The following DENND6A variants were observed in gnomAD, a reference collection of about 807,000 sequenced individuals.
DENND6A encodes the protein DENN domain containing 6A.
DENND6A carries 43 observed loss-of-function variants against 95.5 expected under a neutral mutation model. The ratio of observed to expected loss-of-function variants is 0.45; its 90% CI spans 0.35 to 0.58. The LOEUF is 0.58. DENND6A is among the 20% of genes least tolerant of loss of function. The probability of loss-of-function intolerance (pLI) is 0.00; values close to 1 mark genes in which losing one functional copy is unlikely to be tolerated. For missense variants in DENND6A, 574 were observed against 736.0 expected (o/e 0.78, Z 2.55); for synonymous variants, 257 against 260.4 (o/e 0.99, Z 0.13).
chr3:57,678,810 T>C (rs1351471344), intron 1 of DENND6A, among the ~76,000 whole-genome samples: 1 of 152,252 alleles, frequency 6.6e-6, no homozygotes, highest in East Asian at 1.9e-4. Flanking sequence ...TAGATTTCTG[T>C]TATTTAAGAC....
At chr3:57,638,800 C>CA (rs1377406251) in intron 12 of DENND6A, among the ~76,000 whole-genome samples, 34 of 151,176 alleles carry the variant, frequency 2.2e-4, no homozygotes, top group South Asian at 4.2e-4. Flanking sequence ...TGGTTACTAT[C>CA]AAAAAAAATG....
chr3:57,643,374 C>A (rs147759420), intron 11 of DENND6A, among the ~76,000 whole-genome samples: 1 of 152,246 alleles, frequency 6.6e-6, no homozygotes, highest in East Asian at 1.9e-4. Context: ...ATTAAGACTT[C>A]TATCTTCTAT....
intron 1 of DENND6A, among the ~76,000 whole-genome samples, chr3:57,692,494 T>A (rs79955382): frequency 0.013 from 2,014 of 152,282 alleles, 50 homozygotes; most frequent in African/African-American, 0.045. Flanking sequence ...ACCCTTTTAG[T>A]TAATTCTGTG....
intron 9 of DENND6A, chr3:57,654,533 T>C (rs1196468709): frequency 6.9e-6 from 5 of 725,524 alleles, no homozygotes; most frequent in East Asian, 1.3e-4. Context: ...ATAACTGATG[T>C]GTCTCTCATT....
At chr3:57,641,872 C>A (rs560327582) in intron 11 of DENND6A, 125 bp from the exon 12 acceptor site, 6 of 646,228 alleles carry the variant, frequency 9.3e-6, no homozygotes, top group Non-Finnish European at 1.5e-5. Flanking sequence ...TTATTCAACA[C>A]ATTACATATC....
chr3:57,657,079 T>C (rs991471397), intron 9 of DENND6A, among the ~76,000 whole-genome samples: 7 of 152,238 alleles, frequency 4.6e-5, no homozygotes, highest in Non-Finnish European at 1.0e-4. Context: ...ACATCAGAAC[T>C]ACCTGGGGAA....
rs1001685331 is a variant in DENND6A at position 57,655,610 on chromosome 3, C to A, written c.818+2070G>T. Reference sequence around the variant, plus strand: ...TGCAATCAAAATTTAGTTGCATGCACAAAATCATTAAAAATATTTTTTTAA... The same window carrying A: ...TGCAATCAAAATTTAGTTGCATGCAAAAAATCATTAAAAATATTTTTTTAA... On this transcript the variant is annotated intron_variant, in intron 9 of 19. Transcript: ENST00000311128. Among the ~76,000 whole-genome samples, 25 of 152,114 alleles carry A rather than the reference C, an allele frequency of 1.6e-4. 1 individual carries two copies. The highest frequency in any genetic ancestry group is 1.6e-3 in the Admixed American group (25 of 15,262).
At chr3:57,637,765 TCA>T (rs2070827749) in intron 12 of DENND6A, among the ~76,000 whole-genome samples, 1 of 77,994 alleles carries the variant, frequency 1.3e-5, no homozygotes, top group African/African-American at 5.2e-5. Flanking sequence ...AAATAAGACT[TCA>T]AAAAAAAAAA....
chr3:57,666,908 C>T (rs1164255281), intron 3 of DENND6A, among the ~76,000 whole-genome samples: 1 of 152,142 alleles, frequency 6.6e-6, no homozygotes, highest in Non-Finnish European at 1.5e-5. Flanking sequence ...TCTACAAGAT[C>T]CAAAAAGATA....
intron 1 of DENND6A, among the ~76,000 whole-genome samples, chr3:57,677,030 G>A (rs2071721759): frequency 6.6e-6 from 1 of 152,070 alleles, no homozygotes; most frequent in Non-Finnish European, 1.5e-5. Context: ...CACCATGTTG[G>A]CTAGGCTGGT....
intron 1 of DENND6A, among the ~76,000 whole-genome samples, chr3:57,691,908 C>T (rs1051307498): frequency 6.7e-6 from 1 of 148,692 alleles, no homozygotes; most frequent in Non-Finnish European, 1.5e-5. Flanking sequence ...AGTTTCACAC[C>T]AACTGTTCCA....
intron 7 of DENND6A, 77 bp from the exon 8 acceptor site, chr3:57,659,257 G>T (rs2071381880): frequency 1.3e-6 from 2 of 1,497,142 alleles, no homozygotes; most frequent in East Asian, 2.3e-5. Flanking sequence ...CTGCTAAAAA[G>T]GTATGGTCAG....
chr3:57,661,684 A>G, intron 5 of DENND6A, 133 bp from the exon 6 acceptor site: 1 of 648,508 alleles, frequency 1.5e-6, no homozygotes, highest in Non-Finnish European at 2.5e-6. Flanking sequence ...TGGATAGTTA[A>G]AAGGAAACAA....
intron 4 of DENND6A, among the ~76,000 whole-genome samples, chr3:57,665,375 C>T (rs1223373739): frequency 4.6e-5 from 7 of 152,078 alleles, no homozygotes; most frequent in African/African-American, 7.2e-5. Flanking sequence ...CCCTCATCTA[C>T]AAAAGGATCT....
Position 57,630,473 on chromosome 3 carries a change from T to C in DENND6A, c.1568A>G (p.Lys523Arg), listed in dbSNP as rs1399988360. 6.3e-7 allele frequency: 1 copy of C among 1,596,102 alleles called. No homozygotes were observed. The highest frequency in any genetic ancestry group is 1.4e-5 in the African/African-American group (1 of 73,524). The change falls in exon 18 of 20, where the codon AAG becomes AGG. Residue 523 changes from lysine (K) to arginine (R), a missense_variant. Physicochemically the swap from Lys to Arg is conservative, Grantham distance 26 (BLOSUM62 2). Coordinates refer to ENST00000311128, the MANE Select transcript of DENND6A (RefSeq NM_152678.3). ...TGCCTCCAATTTTTGGGTCATTTCC[T>C]TCCTCCGGGTCTTAAACCAGCCATC... ...NFDGWFKTRR[K>R]EMTQKLEALH...
At chr3:57,691,861 A>G (rs2077268734) in intron 1 of DENND6A, among the ~76,000 whole-genome samples, 1 of 152,102 alleles carries the variant, frequency 6.6e-6, no homozygotes, top group South Asian at 2.1e-4. Context: ...TGACTGATTG[A>G]CAAGCAAATG....
intron 6 of DENND6A, 46 bp from the exon 7 acceptor site, chr3:57,660,885 A>G (rs2071411173): frequency 1.4e-6 from 2 of 1,471,488 alleles, no homozygotes; most frequent in Admixed American, 2.3e-5. Flanking sequence ...TGAAAATATC[A>G]AAGTATTAAA....
chr3:57,644,886 G>T (rs778137565), intron 11 of DENND6A, among the ~76,000 whole-genome samples: 19 of 149,368 alleles, frequency 1.3e-4, no homozygotes, highest in Middle Eastern at 3.5e-3. Flanking sequence ...AGTGAGAAGG[G>T]TATTGATGAT....
rs961353237 is a variant in DENND6A at position 57,631,474 on chromosome 3, G to A, written c.1354-496C>T. On this transcript the variant is annotated intron_variant, in intron 15 of 19. Transcript: ENST00000311128. ...CTCCCAAAGTGCTGGGATTACAGGC[G>A]TGAACTACCGCGCCCAACAACGCGG... 6.3e-4 allele frequency among the ~76,000 whole-genome samples: 96 copies of A among 152,092 alleles called. 3 individuals are homozygous for A. Among genetic ancestry groups the A allele is most frequent in the Non-Finnish European group, 4.4e-5 (3 of 68,028 alleles).
Sources: allele counts gnomAD v4.1 joint callset (sites outside exome capture counted in the v4.1 genomes callset), GRCh38; gene constraint gnomAD v4.1.1; transcripts MANE v1.5; gene names NCBI Gene and HGNC (gene_info 2026-07-23, HGNC 2026-07-21).